PTDSS2: variants seen among roughly 807,000 people sequenced by gnomAD.
PTDSS2 encodes PSS-2.
Under a neutral mutation model 64.7 loss-of-function variants are expected in PTDSS2, and 41 were observed. The ratio of observed to expected loss-of-function variants is 0.63; its 90% CI spans 0.49 to 0.82. PTDSS2 has a LOEUF of 0.82. Ranked by LOEUF, PTDSS2 falls within the 40% of genes least tolerant of loss-of-function variation. PTDSS2 has a pLI of 0.00. For synonymous variants in PTDSS2, 297 were observed against 277.8 expected (o/e 1.07, Z -0.69); for missense variants, 485 against 650.0 (o/e 0.75, Z 2.76).
chr11:478,762 C>G (rs531439517), intron 3 of PTDSS2, among the ~76,000 whole-genome samples: 1 of 152,228 alleles, frequency 6.6e-6, no homozygotes, highest in Admixed American at 6.5e-5. Flanking sequence ...CACCAAAAAC[C>G]TACTCCAAAC....
chr11:484,301 G>A (rs764071135), intron 4 of PTDSS2, among the ~76,000 whole-genome samples: 3 of 152,156 alleles, frequency 2.0e-5, no homozygotes, highest in South Asian at 2.1e-4. Context: ...CTAGCACTGC[G>A]GGATGCTCCA....
intron 1 of PTDSS2, among the ~76,000 whole-genome samples, chr11:453,154 T>C (rs541140991): frequency 1.3e-5 from 2 of 152,312 alleles, no homozygotes; most frequent in African/African-American, 4.8e-5. Context: ...GATTCAGGGC[T>C]TGACTGGCCC....
Position 460,765 on chromosome 11 carries a change from A to G in PTDSS2, c.284+477A>G, listed in dbSNP as rs35389167. 0.099 allele frequency: 15,571 copies of G among 157,568 alleles called. 1,068 individuals are homozygous for G. Among genetic ancestry groups the G allele is most frequent in the Admixed American group, 0.19 (3,033 of 16,152 alleles). The allele number at this position is 157,568 out of a possible 1,614,324, so 9.8% of individuals were successfully genotyped here. On this transcript the variant is annotated intron_variant, in intron 2 of 11. Coordinates refer to ENST00000308020, the MANE Select transcript of PTDSS2 (RefSeq NM_030783.3). The surrounding 1 kb of genome is among the most constrained non-coding windows in gnomAD (Gnocchi z 5.8). ...CGAGTAAACTCGTCTTCTCAGGTTT[A>G]TCTCCACAGGCAGGCAGGCTAGACC...
At chr11:474,118 C>A in intron 3 of PTDSS2, 141 bp downstream of exon 3, 1 of 751,052 alleles carries the variant, frequency 1.3e-6, no homozygotes, top group South Asian at 1.4e-5. Flanking sequence ...CCACTTCCCA[C>A]ATGGACAAGG....
At chr11:477,086 C>T (rs1417125331) in intron 3 of PTDSS2, among the ~76,000 whole-genome samples, 1 of 152,222 alleles carries the variant, frequency 6.6e-6, no homozygotes, top group East Asian at 1.9e-4. Flanking sequence ...CCTTCACACT[C>T]CCCTGGGTCT....
rs1846261672 is a variant in PTDSS2, at chr11:450,434, A to C, written c.-22A>C. On this transcript the variant is annotated 5_prime_UTR_variant, in exon 1 of 12. Coordinates refer to ENST00000308020, the MANE Select transcript of PTDSS2 (RefSeq NM_030783.3). ...TGCGTGGGGTCGAGGCGCCGGGCGG[A>C]GTGGCTCCGGGCCGAAACGCCATGC... 1 of 1,223,106 alleles carries C rather than the reference A, an allele frequency of 8.2e-7. No homozygotes were observed. The highest frequency in any genetic ancestry group is 4.1e-5 in the South Asian group (1 of 24,236). 75.8% of individuals were successfully genotyped at this position (1,223,106 alleles called of 1,614,324 possible). A position where few individuals can be genotyped will look rare whatever the true frequency, so the allele number is the denominator to read the frequency against.
chr11:479,400 C>CGGCCCTTGAG lies in PTDSS2; in HGVS notation c.435+248_435+249insGGCCCTTGAG. The CGGCCCTTGAG allele has an allele frequency of 1.7e-6, 1 of 581,784 alleles. No individual in the cohort carries two copies. The highest frequency in any genetic ancestry group is 2.0e-5 in the South Asian group (1 of 50,450). 36.0% of individuals were successfully genotyped at this position (581,784 alleles called of 1,614,324 possible). ...TGCGGGGGGCCTCCAGGAGCATCTG[C>CGGCCCTTGAG]TGGTGGGGCGCTGACTGTGGCCATT... On this transcript the variant is annotated intron_variant, in intron 4 of 11. Transcript: ENST00000308020. The surrounding 1 kb of genome is among the most constrained non-coding windows in gnomAD (Gnocchi z 4.2).
Position 487,423 on chromosome 11 carries a change from A to G in PTDSS2, c.574A>G (p.Lys192Glu). ...GGTCATACCCTGTCGCCCACAGGAC[A>G]AGTTGGATGGCTTTGTTCCCGCGCA... Reference protein sequence around the residue: ...ETDPFHNIWDKLDGFVPAHFL... With the variant: ...ETDPFHNIWDELDGFVPAHFL... The change falls in exon 6 of 12, where the codon AAG (lysine) becomes GAG (glutamate). Residue 192 changes from lysine to glutamate, a missense_variant. Around this residue, in one of 3 missense-constraint regions of PTDSS2, gnomAD observed 251 missense variants for 348.0 expected, o/e 0.72. Coordinates refer to ENST00000308020, the MANE Select transcript of PTDSS2 (RefSeq NM_030783.3). 1 of 1,613,874 alleles carries G rather than the reference A, an allele frequency of 6.2e-7. No homozygotes were observed. Among genetic ancestry groups the G allele is most frequent in the Non-Finnish European group, 8.5e-7 (1 of 1,179,948 alleles).
intron 1 of PTDSS2, among the ~76,000 whole-genome samples, chr11:454,544 C>T (rs571827955): frequency 6.6e-6 from 1 of 152,272 alleles, no homozygotes; most frequent in African/African-American, 2.4e-5. Context: ...TCAAGTTTTA[C>T]GCCTGTAATC....
chr11:467,916 C>T (rs1452678105), intron 2 of PTDSS2, among the ~76,000 whole-genome samples: 2 of 152,140 alleles, frequency 1.3e-5, no homozygotes, highest in African/African-American at 4.8e-5. Context: ...GCAGGAGGAT[C>T]GCTTGAGCCC....
intron 1 of PTDSS2, chr11:451,435 A>G: frequency 2.3e-6 from 1 of 444,372 alleles, no homozygotes; most frequent in Non-Finnish European, 4.6e-6. Context: ...AGAAGGATCA[A>G]GCCGTCGACC....
At position 490,762 on chromosome 11, in the gene PTDSS2, A is replaced by C; in HGVS notation, c.*180A>C. 2 of 604,578 alleles carry C rather than the reference A, an allele frequency of 3.3e-6. No individual in the cohort carries two copies. The highest frequency in any genetic ancestry group is 5.8e-6 in the Non-Finnish European group (2 of 347,232). The allele number at this position is 604,578 out of a possible 1,614,324, so 37.5% of individuals were successfully genotyped here. A position where few individuals can be genotyped will look rare whatever the true frequency, so the allele number is the denominator to read the frequency against. Reference sequence around the variant, plus strand: ...GAGGCCCCAGCACAGCCTCATCTCCATGTGTACACGTGTGTACGTGTGTAT... The same window carrying C: ...GAGGCCCCAGCACAGCCTCATCTCCCTGTGTACACGTGTGTACGTGTGTAT... On this transcript the variant is annotated 3_prime_UTR_variant, in exon 12 of 12. Transcript: ENST00000308020.
chr11:459,924 G>A (rs1009101047), intron 1 of PTDSS2: 9 of 493,942 alleles, frequency 1.8e-5, no homozygotes, highest in Non-Finnish European at 2.9e-5. Flanking sequence ...TGTGCCCTCT[G>A]AGCAGCGGCC....
At chr11:458,065 T>C (rs1164433245) in intron 1 of PTDSS2, among the ~76,000 whole-genome samples, 3 of 152,250 alleles carry the variant, frequency 2.0e-5, no homozygotes, top group Non-Finnish European at 2.9e-5. Context: ...TGACCAGTGC[T>C]GCTCCTCGTT....
At chr11:454,766 G>A in intron 1 of PTDSS2, among the ~76,000 whole-genome samples, 1 of 152,226 alleles carries the variant, frequency 6.6e-6, no homozygotes. Context: ...TCCAGCCTGG[G>A]TGACAGAGCA....
At position 489,639 on chromosome 11, in the gene PTDSS2, C is replaced by G. The variant is rs143446343; in HGVS notation, c.1021C>G (p.Pro341Ala). The G allele has an allele frequency of 6.3e-7, 1 of 1,595,184 alleles. No homozygotes were observed. The highest frequency in any genetic ancestry group is 8.5e-7 in the Non-Finnish European group (1 of 1,170,868). ...TFYLKFVLWMPPEHYLVLLRL... is the reference protein window; with the variant it reads ...TFYLKFVLWMAPEHYLVLLRL... ...CTACCTGAAGTTTGTGCTGTGGATG[C>G]CCCCGGAGCACTACCTGGTCCTCCT... The change falls in exon 10 of 12, where the codon CCC (proline) becomes GCC (alanine). Residue 341 changes from proline (P) to alanine (A), a missense_variant. Pro to Ala is a conservative substitution (Grantham distance 27, BLOSUM62 -1). Transcript: ENST00000308020.
At chr11:455,399 C>A (rs1846539418) in intron 1 of PTDSS2, among the ~76,000 whole-genome samples, 1 of 152,186 alleles carries the variant, frequency 6.6e-6, no homozygotes. Flanking sequence ...GGCTCCTGTC[C>A]CGGCATCTGC....
At chr11:467,407 A>G (rs1291903670) in intron 2 of PTDSS2, among the ~76,000 whole-genome samples, 6 of 152,200 alleles carry the variant, frequency 3.9e-5, no homozygotes, top group Admixed American at 1.3e-4. Context: ...GTGGGAATAC[A>G]AAAGGCTAAA....
intron 1 of PTDSS2, among the ~76,000 whole-genome samples, chr11:456,083 G>A (rs1846579174): frequency 1.3e-5 from 2 of 152,126 alleles, no homozygotes; most frequent in South Asian, 2.1e-4. Context: ...CAGAGCCACC[G>A]CGCTCCTGGC....
Sources: allele counts gnomAD v4.1 joint callset (sites outside exome capture counted in the v4.1 genomes callset), GRCh38; gene constraint gnomAD v4.1.1; regional missense constraint gnomAD v4.1.1; non-coding constraint Gnocchi (gnomAD v3.1); transcripts MANE v1.5; gene names NCBI Gene and HGNC (gene_info 2026-07-23, HGNC 2026-07-21).